The following ALS2 variants were observed in gnomAD, a reference collection of about 807,000 sequenced individuals.
ALS2 encodes the protein alsin Rho guanine nucleotide exchange factor ALS2, also known as alsin.
ALS2 carries 117 observed loss-of-function variants against 203.4 expected under a neutral mutation model. That is an observed-to-expected ratio of 0.58 (90% CI 0.50 to 0.67). The LOEUF is 0.67. Ranked by LOEUF, ALS2 falls within the 30% of genes least tolerant of loss-of-function variation. The probability of loss-of-function intolerance (pLI) is 0.00; values close to 1 mark genes in which losing one functional copy is unlikely to be tolerated. For synonymous variants in ALS2, 718 were observed against 725.9 expected (o/e 0.99, Z 0.17); for missense variants, 1,715 against 1,989.4 (o/e 0.86, Z 2.62).
At chr2:201,725,651 C>A (rs1691119594) in intron 19 of ALS2, among the ~76,000 whole-genome samples, 197 bp from the exon 20 acceptor site, 1 of 152,074 alleles carries the variant, frequency 6.6e-6, no homozygotes, top group African/African-American at 2.4e-5. Flanking sequence ...GGACATCAGC[C>A]CCACTACACT....
chr2:201,738,658 G>A lies in ALS2; in HGVS notation c.2417+12C>T. On this transcript the variant is annotated intron_variant, in intron 12 of 33. Transcript: ENST00000264276. ...GGAGAGAATGATAACTGGAAGGTGT[G>A]GGTTTGCTTACATGGCAGGCTTAGC... The A allele has an allele frequency of 6.2e-7, 1 of 1,611,748 alleles. No homozygotes were observed. Among genetic ancestry groups the A allele is most frequent in the Non-Finnish European group, 8.5e-7 (1 of 1,177,878 alleles).
At chr2:201,704,661 A>G in intron 31 of ALS2, 58 bp from the exon 32 acceptor site, 1 of 1,604,108 alleles carries the variant, frequency 6.2e-7, no homozygotes, top group Non-Finnish European at 8.5e-7. Context: ...AAGCCATTTG[A>G]TCGTGCTTTT....
chr2:201,725,728 C>G (rs1412430856), intron 19 of ALS2, among the ~76,000 whole-genome samples: 1 of 152,218 alleles, frequency 6.6e-6, no homozygotes, highest in Non-Finnish European at 1.5e-5. Flanking sequence ...CTATCTCTGT[C>G]ACTAATTACC....
Position 201,767,299 on chromosome 2 carries a change from C to A in ALS2, c.105G>T (p.Leu35Phe). ...AGSFPITPERLPGWGGKTVLQ... is the reference protein window; with the variant it reads ...AGSFPITPERFPGWGGKTVLQ... ...AAACAGTCTTTCCTCCCCAGCCTGGCAATCTCTCTGGTGTTATGGGAAAGG... is the reference window on the plus strand; with the variant it reads ...AAACAGTCTTTCCTCCCCAGCCTGGAAATCTCTCTGGTGTTATGGGAAAGG... Residue 35 changes from leucine (L) to phenylalanine (F), a missense_variant, in exon 3 of 34, where the codon TTG (leucine) becomes TTT (phenylalanine). By Grantham distance (22) the Leu-to-Phe change is conservative. Around this residue, in one of 3 missense-constraint regions of ALS2, gnomAD observed 476 missense variants for 539.3 expected, o/e 0.88. Transcript: ENST00000264276. 6.2e-7 allele frequency: 1 copy of A among 1,614,074 alleles called. No homozygotes were observed. Among genetic ancestry groups the A allele is most frequent in the Non-Finnish European group, 8.5e-7 (1 of 1,180,020 alleles).
intron 25 of ALS2, among the ~76,000 whole-genome samples, chr2:201,712,899 T>C (rs952002009): frequency 2.0e-5 from 3 of 152,182 alleles, no homozygotes; most frequent in Non-Finnish European, 4.4e-5. Context: ...TAATGAGAAA[T>C]ATGCAGTCAT....
At chr2:201,740,324 A>C (rs2216002) in intron 11 of ALS2, among the ~76,000 whole-genome samples, 82,909 of 151,968 alleles carry the variant, frequency 0.55, 25,200 homozygotes, top group Admixed American at 0.7. Context: ...TAATTATAAA[A>C]ATAATTTTAA....
intron 26 of ALS2, among the ~76,000 whole-genome samples, chr2:201,710,433 T>TAA (rs111300498): frequency 0.01 from 1,450 of 144,986 alleles, 16 homozygotes; most frequent in African/African-American, 0.031. Context: ...CCCCCATATC[T>TAA]AAAAAAAAAA....
chr2:201,750,520 A>C (rs1029097018), intron 7 of ALS2, among the ~76,000 whole-genome samples: 2 of 152,034 alleles, frequency 1.3e-5, no homozygotes, highest in African/African-American at 4.8e-5. Context: ...TATGGAATGA[A>C]CAGAAAACCT....
At chr2:201,765,190 A>G (rs1288308971) in intron 3 of ALS2, among the ~76,000 whole-genome samples, 1 of 151,974 alleles carries the variant, frequency 6.6e-6, no homozygotes, top group East Asian at 1.9e-4. Flanking sequence ...TTGTAGAAAC[A>G]TGGTCTCCCT....
At chr2:201,717,710 G>A (rs1216039385) in intron 24 of ALS2, among the ~76,000 whole-genome samples, 1 of 151,680 alleles carries the variant, frequency 6.6e-6, no homozygotes, top group East Asian at 1.9e-4. Flanking sequence ...TTGGGAGGCT[G>A]AGGCAGGAGG....
rs768066388 is a variant in ALS2 at position 201,728,520 on chromosome 2, G to A, written c.2833C>T (p.His945Tyr). 7.4e-6 allele frequency: 12 copies of A among 1,614,078 alleles called. No individual in the cohort carries two copies. Among genetic ancestry groups the A allele is most frequent in the Admixed American group, 6.7e-5 (4 of 60,018 alleles). Residue 945 changes from histidine to tyrosine, a missense_variant, in exon 15 of 34, where the codon CAT becomes TAT. Transcript: ENST00000264276. ...TTAGGAATCCAGCCTACCTGGGCAT[G>A]GACCAGGGCATCATTAAAGAGAATG... ...WFILFNDALV[H>Y]AQFSTHHVFP...
rs780988389 is a variant in ALS2, at chr2:201,711,044, C to T, written c.4069G>A (p.Val1357Ile). 21 of 1,613,082 alleles carry T rather than the reference C, an allele frequency of 1.3e-5. No homozygotes were observed. The highest frequency in any genetic ancestry group is 1.4e-5 in the Non-Finnish European group (17 of 1,179,270). ...LESLEFIPQH[V>I]GAFSVEKYDD... ...TATTTCTCCACAGAGAAGGCACCAA[C>T]ATGCTGTGGAATGAATTCCAAACTC... is the stretch of plus-strand genomic sequence containing the variant. Residue 1357 changes from valine (V) to isoleucine (I), a missense_variant, in exon 26 of 34, where the codon GTT (valine) becomes ATT (isoleucine). Physicochemically the swap from Val to Ile is conservative, Grantham distance 29 (BLOSUM62 3). Around this residue, in one of 3 missense-constraint regions of ALS2, gnomAD observed 1,227 missense variants for 1,413.5 expected, o/e 0.87. Coordinates refer to ENST00000264276, the MANE Select transcript of ALS2 (RefSeq NM_020919.4).
Position 201,701,729 on chromosome 2 carries a change from AC to A in ALS2, c.*121del. ...ATTATTGGTAAGGCTCATTCTAACA[AC>A]CTAAATAACACAAAGTCCTTTCCAA... On this transcript the variant is annotated 3_prime_UTR_variant, in exon 34 of 34. Transcript: ENST00000264276. 1.1e-6 allele frequency: 1 copy of A among 929,994 alleles called. No individual in the cohort carries two copies. The highest frequency in any genetic ancestry group is 1.7e-6 in the Non-Finnish European group (1 of 575,764). The allele number at this position is 929,994 out of a possible 1,614,324, so 57.6% of individuals were successfully genotyped here.
intron 21 of ALS2, 52 bp from the exon 22 acceptor site, chr2:201,723,493 G>A (rs1332710494): frequency 6.8e-7 from 1 of 1,463,826 alleles, no homozygotes; most frequent in Admixed American, 1.7e-5. Flanking sequence ...GGATAAAGTA[G>A]GGAAAAGACA....
In ALS2 at chr2:201,753,220, A is replaced by G. The variant is rs1289915549; in HGVS notation, c.1663T>C (p.Cys555Arg). The G allele has an allele frequency of 1.2e-6, 2 of 1,614,022 alleles. No homozygotes were observed. The highest frequency in any genetic ancestry group is 1.3e-5 in the African/African-American group (1 of 74,946). The change falls in exon 7 of 34, where the codon TGT (cysteine) becomes CGT (arginine). Residue 555 changes from cysteine (C) to arginine (R), a missense_variant. This residue lies in a region of ALS2 where 1,227 missense variants were observed against 1,413.5 expected (regional missense o/e 0.87). Coordinates refer to ENST00000264276, the MANE Select transcript of ALS2 (RefSeq NM_020919.4). ...TGGATTACTTCTTTGCCATCCAGAC[A>G]TTTTACACACAACGGTTGAAGCCTT... ...LPRLQPLCVK[C>R]LDGKEVIHLE...
chr2:201,719,852 A>C (rs1690657172), intron 23 of ALS2: 1 of 184,414 alleles, frequency 5.4e-6, no homozygotes, highest in African/African-American at 2.4e-5. Context: ...ATGCCAACAA[A>C]GTAGATAACA....
chr2:201,727,641 T>G, intron 16 of ALS2, 64 bp downstream of exon 16: 1 of 1,454,966 alleles, frequency 6.9e-7, no homozygotes, highest in Non-Finnish European at 9.4e-7. Flanking sequence ...TTTTTTCACA[T>G]TTAAGGAAGC....
intron 12 of ALS2, among the ~76,000 whole-genome samples, 166 bp from the exon 13 acceptor site, chr2:201,733,604 CCTAT>C (rs1207433926): frequency 6.6e-6 from 1 of 152,040 alleles, no homozygotes; most frequent in Non-Finnish European, 1.5e-5. Context: ...AAAGAATTTC[CCTAT>C]CTATAAGACA....
chr2:201,725,590 C>A, intron 19 of ALS2, 136 bp from the exon 20 acceptor site: 1 of 797,746 alleles, frequency 1.3e-6, no homozygotes, highest in Non-Finnish European at 2.2e-6. Flanking sequence ...GTTAAAACAG[C>A]ATCTTGGTTT....
Sources: gnomAD v4.1 joint callset for allele counts (sites outside exome capture counted in the v4.1 genomes callset) on GRCh38, gnomAD v4.1.1 for gene constraint, gnomAD v4.1.1 regional missense constraint, MANE v1.5 for transcripts, NCBI Gene and HGNC (gene_info 2026-07-23, HGNC 2026-07-21) for gene names.